Variants in CEP104 observed in about 807,000 individuals in gnomAD.
The protein encoded by CEP104 is centrosomal protein 104.
A neutral mutation model predicts 113.3 loss-of-function variants in CEP104; 84 were observed. That is an observed-to-expected ratio of 0.74 (90% CI 0.62 to 0.89). CEP104 has a LOEUF of 0.89. Among genes scored for constraint, CEP104 ranks in the 40% least tolerant of loss-of-function variants. CEP104 has a pLI of 0.00. For missense variants in CEP104, 1,053 were observed against 1,156.6 expected, an observed-to-expected ratio of 0.91 and a Z score of 1.30; for synonymous variants, 378 against 421.7, an observed-to-expected ratio of 0.90 and a Z score of 1.27.
chr1:3,816,475 G>A (rs371525184), intron 20 of CEP104, 105 bp from the exon 21 acceptor site: 34 of 859,992 alleles, frequency 4.0e-5, no homozygotes, highest in South Asian at 1.1e-4. Context: ...GAGGGCGGCC[G>A]CTCCAGCAAG....
intron 8 of CEP104, 101 bp from the exon 9 acceptor site, chr1:3,837,620 G>C: frequency 9.9e-7 from 1 of 1,013,386 alleles, no homozygotes; most frequent in Non-Finnish European, 1.5e-6. Flanking sequence ...AGCTGTGCTG[G>C]AAGAGGCTCC....
chr1:3,813,870 C>T lies in CEP104; in HGVS notation c.*1532G>A, dbSNP rs965998777. On this transcript the variant is annotated 3_prime_UTR_variant, in exon 22 of 22. Coordinates refer to ENST00000378230, the MANE Select transcript of CEP104 (RefSeq NM_014704.4). ...GTCGCAAACAAGCAGACAAACAACA[C>T]TGAGCAGAGCATATTCTTAAAGGTT... 7 of 151,894 alleles carry T rather than the reference C, an allele frequency of 4.6e-5. No individual in the cohort carries two copies. The highest frequency in any genetic ancestry group is 7.4e-5 in the Non-Finnish European group (5 of 67,992). The allele number at this position is 151,894 out of a possible 1,614,324, so 9.4% of individuals were successfully genotyped here.
chr1:3,816,173 T>A, intron 21 of CEP104, 107 bp downstream of exon 21: 1 of 943,452 alleles, frequency 1.1e-6, no homozygotes, highest in East Asian at 2.8e-5. Flanking sequence ...TTATTTTGCT[T>A]TTAAAGGGAT....
chr1:3,815,561 C>T, intron 21 of CEP104, 44 bp from the exon 22 acceptor site: 1 of 1,381,696 alleles, frequency 7.2e-7, no homozygotes, highest in Non-Finnish European at 9.9e-7. Flanking sequence ...GGCACTCCTA[C>T]CCACGGACCA....
At chr1:3,853,183 A>G (rs1200085638) in intron 1 of CEP104, among the ~76,000 whole-genome samples, 1 of 152,240 alleles carries the variant, frequency 6.6e-6, no homozygotes, top group Non-Finnish European at 1.5e-5. Flanking sequence ...CGTAAGCGCT[A>G]GCATTAACAA....
At chr1:3,841,135 T>C (rs1378281914) in intron 6 of CEP104, among the ~76,000 whole-genome samples, 1 of 152,120 alleles carries the variant, frequency 6.6e-6, no homozygotes, top group Admixed American at 6.5e-5. Context: ...TCAACCCCAT[T>C]AAACAAGCCA....
intron 1 of CEP104, among the ~76,000 whole-genome samples, chr1:3,855,103 C>A (rs915810416): frequency 2.0e-5 from 3 of 150,982 alleles, no homozygotes; most frequent in Non-Finnish European, 1.5e-5. Flanking sequence ...AACTCCTGAC[C>A]TTAGGTGATC....
In CEP104 at chr1:3,815,281, G is replaced by A. The variant is rs867619101; in HGVS notation, c.*121C>T. The stretch of plus-strand genomic sequence containing the variant: ...CAGACGCGTAAGAGGCGTGCACGGC[G>A]GGGAGCTGGGGACAGCAGCCAGAGC... On this transcript the variant is annotated 3_prime_UTR_variant, in exon 22 of 22. Transcript: ENST00000378230. 4.2e-6 allele frequency: 3 copies of A among 714,750 alleles called. No individual in the cohort carries two copies. Among genetic ancestry groups the A allele is most frequent in the Admixed American group, 2.3e-5 (1 of 42,906 alleles). The allele number at this position is 714,750 out of a possible 1,614,324, so 44.3% of individuals were successfully genotyped here.
chr1:3,853,196 G>A (rs78110949), intron 1 of CEP104, among the ~76,000 whole-genome samples: 1,852 of 152,288 alleles, frequency 0.012, 13 homozygotes, highest in Middle Eastern at 0.037. Context: ...ATTAACAACT[G>A]CTAAATGAAT....
chr1:3,825,602 C>T (rs999489674), intron 18 of CEP104, among the ~76,000 whole-genome samples, 156 bp downstream of exon 18: 1 of 152,194 alleles, frequency 6.6e-6, no homozygotes. Context: ...TGGAATGACT[C>T]GCACGCATTT....
In CEP104 at chr1:3,815,137, T is replaced by C. The variant is rs1243744948; in HGVS notation, c.*265A>G. The C allele has an allele frequency of 2.2e-5, 10 of 454,362 alleles. No individual in the cohort carries two copies. Among genetic ancestry groups the C allele is most frequent in the Non-Finnish European group, 3.6e-5 (9 of 253,340 alleles). 28.1% of individuals were successfully genotyped at this position (454,362 alleles called of 1,614,324 possible). ...CCAAACAGGACGCTTCCTTCTCTGATTCTAAGGAAGGCCTGAGACAGCCCT... is the reference window on the plus strand; with the variant it reads ...CCAAACAGGACGCTTCCTTCTCTGACTCTAAGGAAGGCCTGAGACAGCCCT... On this transcript the variant is annotated 3_prime_UTR_variant, in exon 22 of 22. Transcript: ENST00000378230.
intron 5 of CEP104, 80 bp downstream of exon 5, chr1:3,845,209 A>T: frequency 9.5e-7 from 1 of 1,053,722 alleles, no homozygotes; most frequent in Non-Finnish European, 1.4e-6. Context: ...AAAATGACAC[A>T]TTTTTTGGGT....
In CEP104 at chr1:3,829,346, C is replaced by T. The variant is rs937279172; in HGVS notation, c.2071G>A (p.Ala691Thr). 7 of 1,609,610 alleles carry T rather than the reference C, an allele frequency of 4.3e-6. No homozygotes were observed. Among genetic ancestry groups the T allele is most frequent in the Non-Finnish European group, 5.9e-6 (7 of 1,179,292 alleles). Residue 691 changes from alanine to threonine, a missense_variant, in exon 15 of 22, where the codon GCA (alanine) becomes ACA (threonine). Ala to Thr is a moderately conservative substitution (Grantham distance 58). Coordinates refer to ENST00000378230, the MANE Select transcript of CEP104 (RefSeq NM_014704.4). The part of the protein sequence containing the change: ...RARRKAATEE[A>T]EKQKKEEIKA... ...ATTTCTTCTTTCTTTTGTTTTTCTG[C>T]TTCTTCTGTAGCCGCTTTTCTCCGT...
rs555086342 is a variant in CEP104, at chr1:3,847,214, T to C, written c.426+261A>G. 2.0e-5 allele frequency among the ~76,000 whole-genome samples: 3 copies of C among 152,334 alleles called. No homozygotes were observed. The South Asian group carries it at 6.2e-4, about 32-fold the overall frequency. ...CTCATGAACTCTTTCGCGTTCTCCT[T>C]TTGTACTGAGTCTCTGAAGCCCACT... On this transcript the variant is annotated intron_variant, in intron 4 of 21. Coordinates refer to ENST00000378230, the MANE Select transcript of CEP104 (RefSeq NM_014704.4).
In CEP104 at chr1:3,830,079, CAT is replaced by C. The variant is rs1237049826; in HGVS notation, c.1837-84_1837-83del. On this transcript the variant is annotated intron_variant, in intron 13 of 21. Coordinates refer to ENST00000378230, the MANE Select transcript of CEP104 (RefSeq NM_014704.4). ...GCTTACAAAAAAGGTACATTATAAACATGTGAAAAATAAAAGAGAAAACATCC... is the reference window on the plus strand; with the variant it reads ...GCTTACAAAAAAGGTACATTATAAACGTGAAAAATAAAAGAGAAAACATCC... 7.5e-5 allele frequency: 75 copies of C among 1,003,062 alleles called. No homozygotes were observed. In the East Asian group the frequency reaches 1.1e-3, roughly 14 times the overall value. 62.1% of individuals were successfully genotyped at this position (1,003,062 alleles called of 1,614,324 possible). A position where few individuals can be genotyped will look rare whatever the true frequency, so the allele number is the denominator to read the frequency against.
At position 3,823,578 on chromosome 1, in the gene CEP104, C is replaced by T; in HGVS notation, c.2365-16G>A. ...TCTCGACCACCTGGATTTCGAAATA[C>T]AGAGCAAAGCATGTTGCTGAGAAAG... On this transcript the variant is annotated splice_polypyrimidine_tract_variant and intron_variant, in intron 18 of 21. Transcript: ENST00000378230. This position sits in a 1 kb window ranked among gnomAD's most constrained non-coding sequence, Gnocchi z 4.1. 2 of 1,614,172 alleles carry T rather than the reference C, an allele frequency of 1.2e-6. No homozygotes were observed. Among genetic ancestry groups the T allele is most frequent in the Non-Finnish European group, 1.7e-6 (2 of 1,180,036 alleles).
intron 6 of CEP104, among the ~76,000 whole-genome samples, chr1:3,841,154 C>T (rs1644404471): frequency 1.3e-5 from 2 of 152,192 alleles, no homozygotes; most frequent in South Asian, 4.1e-4. Context: ...CAGCTGCTTA[C>T]GGCGACTTGA....
chr1:3,837,896 TG>T (rs1470423998), intron 8 of CEP104, among the ~76,000 whole-genome samples: 2 of 152,264 alleles, frequency 1.3e-5, no homozygotes, highest in Non-Finnish European at 2.9e-5. Flanking sequence ...ATTCAAAATC[TG>T]GCACTGCTAT....
chr1:3,839,355 T>C (rs1013732478), intron 7 of CEP104, among the ~76,000 whole-genome samples: 14 of 152,136 alleles, frequency 9.2e-5, no homozygotes, highest in African/African-American at 3.4e-4. Context: ...ATTTTCCCAT[T>C]GGGCTCAGGG....
Sources: allele counts gnomAD v4.1 joint callset (sites outside exome capture counted in the v4.1 genomes callset), GRCh38; gene constraint gnomAD v4.1.1; non-coding constraint Gnocchi (gnomAD v3.1); transcripts MANE v1.5; gene names NCBI Gene and HGNC (gene_info 2026-07-23, HGNC 2026-07-21).